Variants in SAMD5 observed in about 807,000 individuals in gnomAD.
SAMD5 encodes sterile alpha motif domain containing 5.
SAMD5 carries 13 observed loss-of-function variants against 11.3 expected under a neutral mutation model. That is an observed-to-expected ratio of 1.15 (90% CI 0.75 to 1.83). SAMD5 has a LOEUF of 1.83. Ranked by LOEUF, SAMD5 falls within the 40% of genes most tolerant of loss-of-function variation. The pLI is 0.00. For synonymous variants in SAMD5, 129 were observed against 111.3 expected, an observed-to-expected ratio of 1.16 and a Z score of -1.00; for missense variants, 255 against 239.1, an observed-to-expected ratio of 1.07 and a Z score of -0.44.
At chr6:147,677,633 A>G (rs546575614) in intron 1 of SAMD5, among the ~76,000 whole-genome samples, 1 of 152,174 alleles carries the variant, frequency 6.6e-6, no homozygotes, top group African/African-American at 2.4e-5. Context: ...GCTGGGCAGC[A>G]GAAGAGCTCT....
the SAMD5 span, among the ~76,000 whole-genome samples, chr6:147,754,962 A>C: frequency 6.6e-6 from 1 of 152,102 alleles, no homozygotes; most frequent in Non-Finnish European, 1.5e-5. Flanking sequence ...TGATTACTAT[A>C]GCTCTGTAGT....
chr6:147,748,658 G>A, the SAMD5 span, among the ~76,000 whole-genome samples: 1 of 152,082 alleles, frequency 6.6e-6, no homozygotes, highest in African/African-American at 2.4e-5. Flanking sequence ...AAAAAGGGAT[G>A]TATGAAAAAG....
intron 1 of SAMD5, among the ~76,000 whole-genome samples, chr6:147,551,309 C>A (rs1235948705): frequency 6.6e-6 from 1 of 152,132 alleles, no homozygotes; most frequent in African/African-American, 2.4e-5. Context: ...TAGCTAACTC[C>A]CTTATTTCAT....
the SAMD5 span, among the ~76,000 whole-genome samples, chr6:147,928,750 T>C: frequency 2.0e-5 from 3 of 152,162 alleles, no homozygotes; most frequent in Non-Finnish European, 4.4e-5. Context: ...TCAGTTGTGA[T>C]GTTAGGTTGT....
At chr6:147,878,596 CATAT>C in the SAMD5 span, among the ~76,000 whole-genome samples, 4 of 143,672 alleles carry the variant, frequency 2.8e-5, no homozygotes, top group Non-Finnish European at 6.0e-5. Context: ...GATATATATA[CATAT>C]ATATCTATAT....
At chr6:147,943,858 A>G in the SAMD5 span, among the ~76,000 whole-genome samples, 1 of 152,092 alleles carries the variant, frequency 6.6e-6, no homozygotes, top group African/African-American at 2.4e-5. Context: ...AAAATTCTGC[A>G]TGTGTAAAAA....
At chr6:147,948,077 A>G in the SAMD5 span, among the ~76,000 whole-genome samples, 1 of 152,026 alleles carries the variant, frequency 6.6e-6, no homozygotes, top group Non-Finnish European at 1.5e-5. Flanking sequence ...CCTACTTCTC[A>G]ATAACATTTT....
At chr6:147,796,266 G>C in the SAMD5 span, among the ~76,000 whole-genome samples, 2 of 151,662 alleles carry the variant, frequency 1.3e-5, no homozygotes, top group African/African-American at 4.9e-5. Context: ...AAGGGATCCA[G>C]TTTCAGCTTT....
chr6:147,631,265 G>A (rs976704125), intron 1 of SAMD5, among the ~76,000 whole-genome samples: 3 of 152,194 alleles, frequency 2.0e-5, no homozygotes, highest in African/African-American at 7.2e-5. Context: ...GTCCGAATAA[G>A]AGAAGGCGAA....
At chr6:147,706,965 T>C (rs992272980) in intron 1 of SAMD5, among the ~76,000 whole-genome samples, 1 of 152,234 alleles carries the variant, frequency 6.6e-6, no homozygotes, top group African/African-American at 2.4e-5. Context: ...AATTAGCTTT[T>C]AATTTTGTCC....
chr6:147,758,635 G>A, the SAMD5 span, among the ~76,000 whole-genome samples: 2 of 152,134 alleles, frequency 1.3e-5, no homozygotes, highest in African/African-American at 4.8e-5. Context: ...TCTCTACCCA[G>A]CAAGTGGAAG....
intron 1 of SAMD5, among the ~76,000 whole-genome samples, chr6:147,653,535 G>A (rs1334728351): frequency 6.6e-6 from 1 of 152,072 alleles, no homozygotes; most frequent in Admixed American, 6.6e-5. Context: ...TTCAAGTACC[G>A]GTGTCTGGTT....
At chr6:147,574,216 T>C (rs569023360), downstream of SAMD5, among the ~76,000 whole-genome samples, 36 of 152,084 alleles carry the variant, frequency 2.4e-4, no homozygotes, top group Non-Finnish European at 4.6e-4. Context: ...AAAAAAAAAT[T>C]AATATGTGCC....
intron 1 of SAMD5, among the ~76,000 whole-genome samples, chr6:147,524,612 A>T (rs572995738): frequency 3.9e-5 from 6 of 151,984 alleles, no homozygotes; most frequent in African/African-American, 1.2e-4. Flanking sequence ...TCTGGAGCGG[A>T]CTTCTCTGCT....
At chr6:147,826,806 A>T in the SAMD5 span, among the ~76,000 whole-genome samples, 1 of 152,084 alleles carries the variant, frequency 6.6e-6, no homozygotes, top group South Asian at 2.1e-4. Context: ...GGTCCTATCC[A>T]CTGTTATATG....
At chr6:147,749,172 G>GTTT in the SAMD5 span, among the ~76,000 whole-genome samples, 2 of 137,306 alleles carry the variant, frequency 1.5e-5, no homozygotes, top group African/African-American at 2.7e-5. Context: ...TTTTTGTTTT[G>GTTT]TTTTTTTTTT....
intron 1 of SAMD5, among the ~76,000 whole-genome samples, chr6:147,592,209 C>A (rs844575): frequency 4.0e-5 from 6 of 151,814 alleles, no homozygotes; most frequent in Admixed American, 6.6e-5. Context: ...GGTTGGTCTC[C>A]AACTGCTAGG....
chr6:147,763,948 A>C, the SAMD5 span, among the ~76,000 whole-genome samples: 1 of 152,354 alleles, frequency 6.6e-6, no homozygotes, highest in South Asian at 2.1e-4. Flanking sequence ...TGACTGAGTC[A>C]CTTGGCTTCC....
the SAMD5 span, among the ~76,000 whole-genome samples, chr6:147,816,301 A>AAAAAAAAAAAAAAAAAAAATATAT: frequency 1.5e-5 from 1 of 66,362 alleles, no homozygotes; most frequent in Non-Finnish European, 2.4e-5. Flanking sequence ...AAAAAAAAAA[A>AAAAAAAAAAAAAAAAAAAATATAT]ATATATATAT....
Sources: gnomAD v4.1 joint callset for allele counts (sites outside exome capture counted in the v4.1 genomes callset) on GRCh38, gnomAD v4.1.1 for gene constraint, MANE v1.5 for transcripts, NCBI Gene and HGNC (gene_info 2026-07-23, HGNC 2026-07-21) for gene names.